Variants in ITFG1 observed in about 807,000 individuals in gnomAD.
ITFG1 encodes integrin alpha FG-GAP repeat containing 1, also known as T-cell immunomodulatory protein.
A neutral mutation model predicts 81.8 loss-of-function variants in ITFG1; 34 were observed. The observed-to-expected ratio is 0.42, with a 90% CI of 0.32 to 0.55. The LOEUF (loss-of-function observed/expected upper bound fraction) is 0.55, where lower values mean the gene tolerates loss of function less well. Among genes scored for constraint, ITFG1 ranks in the 20% least tolerant of loss-of-function variants. The probability of loss-of-function intolerance (pLI) is 0.17; values close to 1 mark genes in which losing one functional copy is unlikely to be tolerated. For missense variants in ITFG1, 672 were observed against 755.4 expected (o/e 0.89, Z 1.29); for synonymous variants, 285 against 270.6 (o/e 1.05, Z -0.52).
chr16:47,361,990 T>C (rs1968115424), intron 8 of ITFG1, among the ~76,000 whole-genome samples: 1 of 152,216 alleles, frequency 6.6e-6, no homozygotes, highest in Admixed American at 6.5e-5. Context: ...GATGGCTTTG[T>C]TGTCTTTACA....
At chr16:47,385,808 CTT>C (rs1968454318) in intron 6 of ITFG1, among the ~76,000 whole-genome samples, 1 of 152,130 alleles carries the variant, frequency 6.6e-6, no homozygotes, top group South Asian at 2.1e-4. Flanking sequence ...AGAACCAAAA[CTT>C]TGAGCTTTTA....
chr16:47,429,308 G>A (rs142823858), intron 5 of ITFG1, among the ~76,000 whole-genome samples: 19 of 152,240 alleles, frequency 1.2e-4, no homozygotes, highest in African/African-American at 1.7e-4. Context: ...TTTCTATAGC[G>A]GAATAATATT....
At chr16:47,335,565 G>A (rs1183310660) in intron 8 of ITFG1, among the ~76,000 whole-genome samples, 2 of 152,050 alleles carry the variant, frequency 1.3e-5, no homozygotes, top group Admixed American at 6.6e-5. Flanking sequence ...CATGGACAAA[G>A]AATTGGAATA....
intron 14 of ITFG1, among the ~76,000 whole-genome samples, chr16:47,173,982 G>C (rs1348554426): frequency 6.6e-6 from 1 of 152,212 alleles, no homozygotes; most frequent in East Asian, 1.9e-4. Context: ...GGAGGTTGTA[G>C]TGAGCTGAGA....
chr16:47,375,002 T>G lies in ITFG1; in HGVS notation c.720+874A>C, dbSNP rs145622628. 6.9e-3 allele frequency among the ~76,000 whole-genome samples: 1,054 copies of G among 152,284 alleles called. 15 individuals are homozygous for G. Among genetic ancestry groups the G allele is most frequent in the African/African-American group, 0.024 (1,010 of 41,554 alleles). On this transcript the variant is annotated intron_variant, in intron 7 of 17. Coordinates refer to ENST00000320640, the MANE Select transcript of ITFG1 (RefSeq NM_030790.5). ...TTTTTTATCAGCATTTTAATAAAAT[T>G]TATAAAAGGTTATGGGTTTAATTTG...
intron 7 of ITFG1, among the ~76,000 whole-genome samples, chr16:47,366,879 T>A (rs934256122): frequency 6.6e-6 from 1 of 152,170 alleles, no homozygotes; most frequent in Non-Finnish European, 1.5e-5. Context: ...GACATAAGAC[T>A]TCTGTGACTA....
In ITFG1 at chr16:47,351,101, A is replaced by G. The variant is rs571433225; in HGVS notation, c.802+14687T>C. On this transcript the variant is annotated intron_variant, in intron 8 of 17. Coordinates refer to ENST00000320640, the MANE Select transcript of ITFG1 (RefSeq NM_030790.5). The stretch of plus-strand genomic sequence containing the variant: ...TATTTATGACAAAACCACAGCCAAT[A>G]TCATACTGAATGGACAAAAACTGGA... Among the ~76,000 whole-genome samples, 14 of 152,320 alleles carry G rather than the reference A, an allele frequency of 9.2e-5. No individual in the cohort carries two copies. The East Asian group carries it at 2.7e-3, about 29-fold the overall frequency.
intron 8 of ITFG1, among the ~76,000 whole-genome samples, chr16:47,328,876 A>G (rs1967599194): frequency 6.6e-6 from 1 of 152,174 alleles, no homozygotes; most frequent in South Asian, 2.1e-4. Context: ...ATAAGCAAGA[A>G]ACTGAAATAC....
intron 8 of ITFG1, among the ~76,000 whole-genome samples, chr16:47,342,893 A>G (rs1967803618): frequency 6.6e-6 from 1 of 152,172 alleles, no homozygotes; most frequent in African/African-American, 2.4e-5. Context: ...GGTTGGAACT[A>G]ACTAAATATT....
Position 47,237,997 on chromosome 16 carries a change from G to T in ITFG1, c.1342C>A (p.Leu448Met). 1 of 1,471,226 alleles carries T rather than the reference G, an allele frequency of 6.8e-7. No individual in the cohort carries two copies. The highest frequency in any genetic ancestry group is 9.2e-7 in the Non-Finnish European group (1 of 1,082,560). The allele number at this position is 1,471,226 out of a possible 1,614,324, so 91.1% of individuals were successfully genotyped here. A position where few individuals can be genotyped will look rare whatever the true frequency, so the allele number is the denominator to read the frequency against. ...TTACGAGGACAGTCATTAGAACACA[G>T]ACCACTAAGAACTGTGGAAAAATAA... ...YFVKVIVLSGLCSNDCPRKIT... is the reference protein window; with the variant it reads ...YFVKVIVLSGMCSNDCPRKIT... The change falls in exon 13 of 18, where the codon CTG becomes ATG. Residue 448 changes from leucine (L) to methionine (M), a missense_variant. Leu to Met is a conservative substitution (Grantham distance 15). This residue lies in a region of ITFG1 where 560 missense variants were observed against 625.7 expected (regional missense o/e 0.90). Transcript: ENST00000320640.
At chr16:47,257,628 T>C (rs575715509) in intron 12 of ITFG1, among the ~76,000 whole-genome samples, 1 of 152,346 alleles carries the variant, frequency 6.6e-6, no homozygotes, top group Admixed American at 6.5e-5. Flanking sequence ...ATGAAATTAT[T>C]GCAACGAATT....
At chr16:47,261,064 G>A (rs117065102) in intron 10 of ITFG1, among the ~76,000 whole-genome samples, 2 of 152,130 alleles carry the variant, frequency 1.3e-5, no homozygotes, top group African/African-American at 2.4e-5. Context: ...ATTTTAACTA[G>A]AATGTCTCAT....
At chr16:47,413,993 T>A (rs965623050) in intron 6 of ITFG1, among the ~76,000 whole-genome samples, 8 of 151,836 alleles carry the variant, frequency 5.3e-5, no homozygotes, top group African/African-American at 1.9e-4. Context: ...GCTAATTTTT[T>A]AATTTTTAGT....
chr16:47,251,653 G>A (rs1177358270), intron 12 of ITFG1, among the ~76,000 whole-genome samples: 1 of 152,232 alleles, frequency 6.6e-6, no homozygotes. Flanking sequence ...AAAGGGACAT[G>A]TTCCAAGAGC....
rs145581832 is a variant in ITFG1 at position 47,371,621 on chromosome 16, A to G, written c.720+4255T>C. The stretch of plus-strand genomic sequence containing the variant: ...AGGTAAAAACTGACCATGAAGCAGT[A>G]TGTAATGATGACTGCATGCCCCTAT... On this transcript the variant is annotated intron_variant, in intron 7 of 17. Transcript: ENST00000320640. Among the ~76,000 whole-genome samples the G allele has an allele frequency of 2.0e-3, 309 of 152,348 alleles. 9 individuals are homozygous for G. In the East Asian group the frequency reaches 0.05, roughly 25 times the overall value.
chr16:47,423,465 T>A (rs1030861827), intron 6 of ITFG1, among the ~76,000 whole-genome samples: 8 of 152,202 alleles, frequency 5.3e-5, no homozygotes, highest in Non-Finnish European at 7.3e-5. Flanking sequence ...CTGAATTTGA[T>A]CCTGTCATTA....
chr16:47,188,794 G>T (rs2151516741), intron 14 of ITFG1, among the ~76,000 whole-genome samples: 1 of 151,880 alleles, frequency 6.6e-6, no homozygotes, highest in South Asian at 2.1e-4. Flanking sequence ...TACAAAAAAA[G>T]TGCTTTGTAA....
intron 10 of ITFG1, among the ~76,000 whole-genome samples, chr16:47,261,408 A>G (rs1018810825): frequency 4.6e-5 from 7 of 152,226 alleles, no homozygotes; most frequent in African/African-American, 1.7e-4. Context: ...CTGCAAGGAA[A>G]GTTACTTAGA....
intron 6 of ITFG1, among the ~76,000 whole-genome samples, chr16:47,413,738 A>G (rs1968839087): frequency 6.6e-6 from 1 of 152,080 alleles, no homozygotes; most frequent in African/African-American, 2.4e-5. Context: ...CAATAAAGCA[A>G]CTCCAAAATC....
Sources: gnomAD v4.1 joint callset for allele counts (sites outside exome capture counted in the v4.1 genomes callset) on GRCh38, gnomAD v4.1.1 for gene constraint, gnomAD v4.1.1 regional missense constraint, MANE v1.5 for transcripts, NCBI Gene and HGNC (gene_info 2026-07-23, HGNC 2026-07-21) for gene names.